The following GUCY2F variants were observed in gnomAD, a reference collection of about 807,000 sequenced individuals.
GUCY2F encodes guanylate cyclase 2F, retinal.
A neutral mutation model predicts 73.1 loss-of-function variants in GUCY2F; 61 were observed. That is an observed-to-expected ratio of 0.83 (90% CI 0.68 to 1.03). The LOEUF is 1.03. Among genes scored for constraint, GUCY2F ranks in the 50% least tolerant of loss-of-function variants. The pLI is 0.00. For missense variants in GUCY2F, 912 were observed against 854.3 expected (o/e 1.07, Z -0.84); for synonymous variants, 331 against 307.8 (o/e 1.08, Z -0.79).
chrX:109,393,864 G>A (rs1425330842), intron 12 of GUCY2F, among the ~76,000 whole-genome samples: 1 of 112,252 alleles, frequency 8.9e-6, no homozygotes, highest in African/African-American at 3.2e-5. Flanking sequence ...ATCGGAGGTG[G>A]TTTTGCTAAA....
At chrX:109,462,627 T>C (rs1197844419) in intron 3 of GUCY2F, among the ~76,000 whole-genome samples, 1 of 111,881 alleles carries the variant, frequency 8.9e-6, no homozygotes, top group Non-Finnish European at 1.9e-5. Flanking sequence ...AAAGGATTGA[T>C]GCAAATATCA....
chrX:109,441,948 G>C (rs1931882232), intron 6 of GUCY2F, among the ~76,000 whole-genome samples: 1 of 112,005 alleles, frequency 8.9e-6, no homozygotes, highest in African/African-American at 3.2e-5. Flanking sequence ...ACTCTCAGGA[G>C]TGGCTCTTTT....
rs55998367 is a variant in GUCY2F at position 109,452,103 on chromosome X, G to A, written c.1392C>T (p.Ile464=). ...FAEGKICHGG[I]DPAFAMMVCL... Reference sequence around the variant, plus strand: ...AGACCATCATGGCAAAGGCAGGGTCGATGCCTGCAGAGAGTGAGAGGAAGA... The same window carrying A: ...AGACCATCATGGCAAAGGCAGGGTCAATGCCTGCAGAGAGTGAGAGGAAGA... The change falls in exon 5 of 20, where the codon ATC becomes ATT. Residue 464 remains isoleucine (I), a synonymous_variant. Coordinates refer to ENST00000218006, the MANE Select transcript of GUCY2F (RefSeq NM_001522.3). 2,071 of 1,050,256 alleles carry A rather than the reference G, an allele frequency of 2.0e-3. 2 individuals carry two copies. The highest frequency in any genetic ancestry group is 2.2e-3 in the Non-Finnish European group (1,639 of 749,717). The allele number at this position is 1,050,256 out of a possible 1,213,427, so 86.6% of individuals were successfully genotyped here.
chrX:109,454,482 G>T (rs1393024865), intron 3 of GUCY2F, among the ~76,000 whole-genome samples: 1 of 111,591 alleles, frequency 9.0e-6, no homozygotes, highest in East Asian at 2.8e-4. Context: ...GCTATCTAGA[G>T]CCAAAGTTTG....
intron 2 of GUCY2F, among the ~76,000 whole-genome samples, chrX:109,474,818 A>T (rs1932650334): frequency 9.0e-6 from 1 of 111,705 alleles, no homozygotes; most frequent in Admixed American, 9.5e-5. Context: ...CTCCTCAGTG[A>T]CTAGAACAAA....
chrX:109,384,673 A>G (rs1208530536), intron 16 of GUCY2F, among the ~76,000 whole-genome samples: 1 of 112,052 alleles, frequency 8.9e-6, no homozygotes, highest in African/African-American at 3.2e-5. Context: ...TTGCTAGCTA[A>G]ATTGTAGAGG....
intron 2 of GUCY2F, among the ~76,000 whole-genome samples, chrX:109,466,269 T>C (rs1298765141): frequency 8.0e-5 from 9 of 111,807 alleles, no homozygotes; most frequent in Admixed American, 7.6e-4. Context: ...TTAATGAGTA[T>C]TTCCTTTGAG....
intron 7 of GUCY2F, among the ~76,000 whole-genome samples, chrX:109,438,677 C>T (rs1931807479): frequency 8.9e-6 from 1 of 112,949 alleles, no homozygotes; most frequent in African/African-American, 3.2e-5. Flanking sequence ...CATGGCTTAG[C>T]TGGGTGCAAC....
At chrX:109,476,766 A>ATAGT (rs1359042125) in intron 1 of GUCY2F, among the ~76,000 whole-genome samples, 7 of 107,393 alleles carry the variant, frequency 6.5e-5, no homozygotes, top group African/African-American at 2.5e-4. Flanking sequence ...AGATAGATAG[A>ATAGT]TAGATAGACA....
intron 7 of GUCY2F, among the ~76,000 whole-genome samples, chrX:109,439,072 G>A (rs484369): frequency 0.3 from 33,625 of 111,192 alleles, 4,814 homozygotes; most frequent in East Asian, 0.81. Context: ...AGTTGGCACC[G>A]CGTGGATACT....
chrX:109,465,089 C>A (rs1932436618), intron 3 of GUCY2F, 53 bp downstream of exon 3: 1 of 918,384 alleles, frequency 1.1e-6, no homozygotes, highest in Admixed American at 2.6e-5. Flanking sequence ...AATAATTTAC[C>A]ATGCTGATGT....
chrX:109,401,651 A>T (rs62595659), intron 10 of GUCY2F, among the ~76,000 whole-genome samples: 322 of 111,399 alleles, frequency 2.9e-3, no homozygotes, highest in Non-Finnish European at 4.5e-3. Flanking sequence ...GGGGGAGACA[A>T]GGTTAATTGA....
At chrX:109,441,274 A>G in intron 7 of GUCY2F, 77 bp downstream of exon 7, 1 of 639,916 alleles carries the variant, frequency 1.6e-6, no homozygotes, top group Non-Finnish European at 2.3e-6. Context: ...ATTTTTACCC[A>G]AAGACTAATT....
intron 8 of GUCY2F, among the ~76,000 whole-genome samples, chrX:109,414,804 G>C (rs1304770541): frequency 2.7e-5 from 3 of 111,665 alleles, no homozygotes; most frequent in Non-Finnish European, 5.6e-5. Flanking sequence ...GTATTTTAGG[G>C]GTTGTAATAG....
chrX:109,453,766 C>T lies in GUCY2F; in HGVS notation c.1126G>A (p.Ala376Thr). The change falls in exon 4 of 20, where the codon GCC becomes ACC. Residue 376 changes from alanine (A) to threonine (T), a missense_variant. Ala to Thr is a moderately conservative substitution (Grantham distance 58, BLOSUM62 0). Coordinates refer to ENST00000218006, the MANE Select transcript of GUCY2F (RefSeq NM_001522.3). ...TTTCTGGAATGCTGAACCAGGCTGGCAGCACCAGCCTGTCCATTTTCTTTC... is the reference window on the plus strand; with the variant it reads ...TTTCTGGAATGCTGAACCAGGCTGGTAGCACCAGCCTGTCCATTTTCTTTC... ...AMKENGQAGAASLVQHSRNMQ... is the reference protein window; with the variant it reads ...AMKENGQAGATSLVQHSRNMQ... The T allele has an allele frequency of 8.4e-7, 1 of 1,195,539 alleles. No individual in the cohort carries two copies. Among genetic ancestry groups the T allele is most frequent in the Non-Finnish European group, 1.1e-6 (1 of 880,775 alleles).
chrX:109,458,114 G>T (rs184902607), intron 3 of GUCY2F, among the ~76,000 whole-genome samples: 1 of 111,868 alleles, frequency 8.9e-6, no homozygotes, highest in African/African-American at 3.2e-5. Context: ...TTCTCATAAG[G>T]CCCTAGTACC....
chrX:109,472,085 G>A (rs374844003), intron 2 of GUCY2F, among the ~76,000 whole-genome samples: 50 of 110,658 alleles, frequency 4.5e-4, no homozygotes, highest in East Asian at 2.3e-3. Context: ...TGAGAAAGGC[G>A]CTTCCTCTAA....
intron 12 of GUCY2F, among the ~76,000 whole-genome samples, chrX:109,393,863 G>A (rs1370118906): frequency 8.9e-6 from 1 of 112,185 alleles, no homozygotes; most frequent in East Asian, 2.8e-4. Flanking sequence ...AATCGGAGGT[G>A]GTTTTGCTAA....
At chrX:109,420,068 C>CT (rs1388666114) in intron 8 of GUCY2F, among the ~76,000 whole-genome samples, 11 of 108,910 alleles carry the variant, frequency 1.0e-4, no homozygotes, top group African/African-American at 3.3e-4. Flanking sequence ...CAATGGAAAG[C>CT]TTTTTAAAAA....
Sources: allele counts gnomAD v4.1 joint callset (sites outside exome capture counted in the v4.1 genomes callset), GRCh38; gene constraint gnomAD v4.1.1; transcripts MANE v1.5; gene names NCBI Gene and HGNC (gene_info 2026-07-23, HGNC 2026-07-21).